Variants in GRIK2 observed in about 807,000 individuals in gnomAD.
The protein encoded by GRIK2 is glutamate receptor ionotropic, kainate 2.
Under a neutral mutation model 100.3 loss-of-function variants are expected in GRIK2, and 32 were observed. The observed-to-expected ratio is 0.32, with a 90% CI of 0.24 to 0.43. The LOEUF is 0.43. Among genes scored for constraint, GRIK2 ranks in the 20% least tolerant of loss-of-function variants. The probability of loss-of-function intolerance (pLI) is 1.00; values close to 1 mark genes in which losing one functional copy is unlikely to be tolerated. For missense variants in GRIK2, 843 were observed against 1,114.9 expected (o/e 0.76, Z 3.47); for synonymous variants, 417 against 389.4 (o/e 1.07, Z -0.83).
intron 12 of GRIK2, among the ~76,000 whole-genome samples, chr6:101,898,022 A>C (rs985780405): frequency 2.6e-5 from 4 of 151,830 alleles, no homozygotes; most frequent in African/African-American, 9.7e-5. Flanking sequence ...GAAAACTAAT[A>C]CGTATTGCAT....
chr6:101,540,547 TAAAA>T (rs1183518810), intron 2 of GRIK2, among the ~76,000 whole-genome samples: 2 of 151,882 alleles, frequency 1.3e-5, no homozygotes, highest in African/African-American at 2.4e-5. Flanking sequence ...AATGAAAAAT[TAAAA>T]AAAGGAAAGT....
chr6:101,937,356 G>A (rs1790680041), intron 14 of GRIK2, among the ~76,000 whole-genome samples: 1 of 152,136 alleles, frequency 6.6e-6, no homozygotes, highest in African/African-American at 2.4e-5. Flanking sequence ...AGTCTTAGGA[G>A]AGAGGGCCCC....
intron 14 of GRIK2, among the ~76,000 whole-genome samples, chr6:101,975,342 C>T (rs1053196213): frequency 2.6e-5 from 4 of 151,746 alleles, no homozygotes; most frequent in African/African-American, 9.7e-5. Context: ...GGTATTTAGT[C>T]AGTGACCTGT....
intron 2 of GRIK2, among the ~76,000 whole-genome samples, chr6:101,586,027 C>T (rs769609984): frequency 1.3e-5 from 2 of 151,990 alleles, no homozygotes; most frequent in Non-Finnish European, 2.9e-5. Flanking sequence ...CCAACTCATT[C>T]ACATTGCAAG....
chr6:101,522,927 ATATT>A (rs1436522437), intron 2 of GRIK2, among the ~76,000 whole-genome samples: 6 of 150,426 alleles, frequency 4.0e-5, no homozygotes, highest in Non-Finnish European at 7.4e-5. Flanking sequence ...TATGTGTTAT[ATATT>A]TAATCTATTT....
chr6:102,013,952 G>T (rs1795690182), intron 14 of GRIK2, among the ~76,000 whole-genome samples: 1 of 152,028 alleles, frequency 6.6e-6, no homozygotes, highest in Non-Finnish European at 1.5e-5. Context: ...ATAGAATAAG[G>T]TAGGGAGGAG....
At chr6:101,736,809 T>A (rs980714715) in intron 7 of GRIK2, among the ~76,000 whole-genome samples, 2 of 152,220 alleles carry the variant, frequency 1.3e-5, no homozygotes, top group African/African-American at 4.8e-5. Context: ...TCAGCTTGAA[T>A]TTATGCTCAG....
intron 2 of GRIK2, among the ~76,000 whole-genome samples, chr6:101,549,826 C>T (rs1776421771): frequency 6.6e-6 from 1 of 152,160 alleles, no homozygotes; most frequent in South Asian, 2.1e-4. Flanking sequence ...TTTTAATTCT[C>T]ACAACAATCC....
chr6:101,414,568 G>A (rs1776027439), intron 2 of GRIK2, among the ~76,000 whole-genome samples: 1 of 152,140 alleles, frequency 6.6e-6, no homozygotes, highest in South Asian at 2.1e-4. Flanking sequence ...TTTCAGGGAT[G>A]GTATGCTGGA....
At chr6:101,836,466 A>G (rs1201734775) in intron 10 of GRIK2, among the ~76,000 whole-genome samples, 2 of 135,484 alleles carry the variant, frequency 1.5e-5, no homozygotes, top group Admixed American at 1.4e-4. Context: ...TATTGATTAC[A>G]TGTTGAAATG....
intron 12 of GRIK2, among the ~76,000 whole-genome samples, chr6:101,908,335 C>G (rs1228261222): frequency 6.0e-4 from 3 of 4,998 alleles, no homozygotes; most frequent in African/African-American, 2.0e-3. Flanking sequence ...TTGCACCAGC[C>G]TAATATTTTT....
chr6:101,843,596 C>T (rs1582362056), intron 10 of GRIK2, among the ~76,000 whole-genome samples: 2 of 152,244 alleles, frequency 1.3e-5, no homozygotes, highest in Middle Eastern at 3.4e-3. Context: ...AACCCAAAAG[C>T]AGAGTCCTTT....
intron 16 of GRIK2, among the ~76,000 whole-genome samples, chr6:102,060,786 G>A (rs969638992): frequency 2.0e-5 from 3 of 150,456 alleles, no homozygotes; most frequent in Non-Finnish European, 3.0e-5. Flanking sequence ...TAAATTTTCA[G>A]TGTAAAAATT....
chr6:101,635,943 T>C (rs1780988332), intron 4 of GRIK2, among the ~76,000 whole-genome samples: 1 of 152,128 alleles, frequency 6.6e-6, no homozygotes, highest in Non-Finnish European at 1.5e-5. Context: ...GACAGTGTGG[T>C]GATTCCTCAA....
chr6:101,567,065 T>C (rs1777314051), intron 2 of GRIK2, among the ~76,000 whole-genome samples: 1 of 151,692 alleles, frequency 6.6e-6, no homozygotes, highest in South Asian at 2.1e-4. Context: ...GAAAGCTCTG[T>C]AATTTTTAGT....
At chr6:101,858,522 G>A (rs1278485860) in intron 10 of GRIK2, among the ~76,000 whole-genome samples, 1 of 150,438 alleles carries the variant, frequency 6.6e-6, no homozygotes, top group African/African-American at 2.4e-5. Context: ...GAATAGCTGG[G>A]ACTACAGGCG....
intron 2 of GRIK2, among the ~76,000 whole-genome samples, chr6:101,467,298 C>T (rs1341041426): frequency 6.6e-6 from 1 of 152,104 alleles, no homozygotes; most frequent in African/African-American, 2.4e-5. Context: ...TAAAGCCAAA[C>T]TTTCATTTAA....
chr6:101,783,422 G>A (rs893630312), intron 7 of GRIK2, among the ~76,000 whole-genome samples: 2 of 152,154 alleles, frequency 1.3e-5, no homozygotes, highest in African/African-American at 4.8e-5. Flanking sequence ...GCGGAACTGT[G>A]AGTCAATTAA....
intron 14 of GRIK2, among the ~76,000 whole-genome samples, chr6:101,982,370 G>A (rs1329155411): frequency 3.3e-5 from 5 of 151,936 alleles, no homozygotes; most frequent in Middle Eastern, 3.4e-3. Flanking sequence ...TGACAACTCT[G>A]TGCTTTTTGT....
Sources: allele counts gnomAD v4.1 joint callset (sites outside exome capture counted in the v4.1 genomes callset), GRCh38; gene constraint gnomAD v4.1.1; transcripts MANE v1.5; gene names NCBI Gene and HGNC (gene_info 2026-07-23, HGNC 2026-07-21).